The following EBF3 variants were observed in gnomAD, a reference collection of about 807,000 sequenced individuals.
The protein encoded by EBF3 is EBF transcription factor 3.
EBF3 carries 18 observed loss-of-function variants against 77.1 expected under a neutral mutation model. The observed-to-expected ratio is 0.23, with a 90% CI of 0.16 to 0.35. EBF3 has a LOEUF of 0.35. Among genes scored for constraint, EBF3 ranks in the 10% least tolerant of loss-of-function variants. The probability of loss-of-function intolerance (pLI) is 1.00; values close to 1 mark genes in which losing one functional copy is unlikely to be tolerated. For synonymous variants in EBF3, 350 were observed against 343.5 expected (o/e 1.02, Z -0.21); for missense variants, 558 against 860.0 (o/e 0.65, Z 4.39).
chr10:129,915,000 CCT>C (rs1855779825), intron 6 of EBF3, among the ~76,000 whole-genome samples: 1 of 152,152 alleles, frequency 6.6e-6, no homozygotes, highest in East Asian at 1.9e-4. Flanking sequence ...GGACAGAGCC[CCT>C]GAGCCAAGAC....
rs35249799 is a variant in EBF3 at position 129,842,762 on chromosome 10, TAA to T, written c.1194+373_1194+374del. Among the ~76,000 whole-genome samples the T allele has an allele frequency of 8.9e-5, 10 of 112,738 alleles. No individual in the cohort carries two copies. Among genetic ancestry groups the T allele is most frequent in the South Asian group, 3.2e-4 (1 of 3,128 alleles). The allele number at this position is 112,738 out of a possible 152,430, so 74.0% of individuals were successfully genotyped here. A position where few individuals can be genotyped will look rare whatever the true frequency, so the allele number is the denominator to read the frequency against. On this transcript the variant is annotated intron_variant, in intron 12 of 16. Transcript: ENST00000440978. This position sits in a 1 kb window ranked among gnomAD's most constrained non-coding sequence, Gnocchi z 4.4. ...CTGGGTGACAGAGCAAGACCCTGTC[TAA>T]AAAAAAAAAAAAAAAAAGGGAGCAA...
intron 4 of EBF3, among the ~76,000 whole-genome samples, chr10:129,960,116 A>G (rs1859384618): frequency 6.6e-6 from 1 of 151,826 alleles, no homozygotes; most frequent in Non-Finnish European, 1.5e-5. Flanking sequence ...CAGAAAAGAA[A>G]AAAAAAAAAA....
chr10:129,877,376 G>T (rs963548114), intron 7 of EBF3, among the ~76,000 whole-genome samples: 1 of 151,468 alleles, frequency 6.6e-6, no homozygotes, highest in African/African-American at 2.4e-5. Context: ...AGCTACTCAG[G>T]AGGCTGAGGC....
chr10:129,920,324 G>A (rs576261275), intron 6 of EBF3, among the ~76,000 whole-genome samples: 2 of 150,980 alleles, frequency 1.3e-5, no homozygotes, highest in African/African-American at 2.4e-5. Context: ...TCTAGGGCCA[G>A]TATCTCCAGG....
In EBF3 at chr10:129,964,090, G is replaced by C; in HGVS notation, c.-322C>G. 1.0e-6 allele frequency: 1 copy of C among 985,136 alleles called. No individual in the cohort carries two copies. The highest frequency in any genetic ancestry group is 1.2e-6 in the Non-Finnish European group (1 of 829,844). The allele number at this position is 985,136 out of a possible 1,614,324, so 61.0% of individuals were successfully genotyped here. A position where few individuals can be genotyped will look rare whatever the true frequency, so the allele number is the denominator to read the frequency against. On this transcript the variant is annotated 5_prime_UTR_variant, in exon 1 of 17. Transcript: ENST00000440978. This position sits in a 1 kb window ranked among gnomAD's most constrained non-coding sequence, Gnocchi z 4.5. ...CGTGGTGTCATCCTAGCCAGGCGGC[G>C]TCCGCGGCTGCAGGACACTGCGGGA... is the stretch of plus-strand genomic sequence containing the variant.
chr10:129,876,468 C>T (rs1308590413), intron 7 of EBF3, among the ~76,000 whole-genome samples: 1 of 152,264 alleles, frequency 6.6e-6, no homozygotes, highest in Non-Finnish European at 1.5e-5. Context: ...CAACTGTTCG[C>T]AGGAAACACT....
chr10:129,887,367 G>A (rs1011643739), intron 6 of EBF3, among the ~76,000 whole-genome samples: 2 of 152,152 alleles, frequency 1.3e-5, no homozygotes, highest in African/African-American at 2.4e-5. Context: ...TCTTGTTACC[G>A]AGCATAAAAA....
rs958309658 is a variant in EBF3, at chr10:129,917,333, C to T, written c.555-39484G>A. On this transcript the variant is annotated intron_variant, in intron 6 of 16. Transcript: ENST00000440978. ...GCAGTGAGCCAAATTCACACCACTGCACTCCAGCCTGAGCGACAGGGCGAG... is the reference window on the plus strand; with the variant it reads ...GCAGTGAGCCAAATTCACACCACTGTACTCCAGCCTGAGCGACAGGGCGAG... 3.9e-5 allele frequency among the ~76,000 whole-genome samples: 6 copies of T among 152,278 alleles called. No individual in the cohort carries two copies. In the Middle Eastern group the frequency reaches 0.01, roughly 259 times the overall value.
intron 6 of EBF3, among the ~76,000 whole-genome samples, chr10:129,888,422 A>G (rs895942984): frequency 4.6e-5 from 7 of 152,266 alleles, no homozygotes; most frequent in Non-Finnish European, 1.0e-4. Flanking sequence ...ATTTCCTTCC[A>G]AAATGCTCCT....
Position 129,939,469 on chromosome 10 carries a change from T to G in EBF3, c.554+17789A>C, listed in dbSNP as rs75708578. Among the ~76,000 whole-genome samples the G allele has an allele frequency of 2.6e-5, 4 of 152,382 alleles. No individual in the cohort carries two copies. In the South Asian group the frequency reaches 8.3e-4, roughly 32 times the overall value. On this transcript the variant is annotated intron_variant, in intron 6 of 16. Coordinates refer to ENST00000440978, the MANE Select transcript of EBF3 (RefSeq NM_001375380.1). Reference sequence around the variant, plus strand: ...AACACGTGACCGTTCCTCTGGGCAATGTTCTGACTATGCAGATCTCATTTA... The same window carrying G: ...AACACGTGACCGTTCCTCTGGGCAAGGTTCTGACTATGCAGATCTCATTTA...
chr10:129,927,957 T>C (rs982726435), intron 6 of EBF3, among the ~76,000 whole-genome samples: 5 of 152,164 alleles, frequency 3.3e-5, no homozygotes, highest in African/African-American at 7.2e-5. Context: ...GGTGGAGAGC[T>C]TGAGATTCCC....
chr10:129,918,438 A>T (rs1856039199), intron 6 of EBF3, among the ~76,000 whole-genome samples: 1 of 152,228 alleles, frequency 6.6e-6, no homozygotes, highest in Non-Finnish European at 1.5e-5. Context: ...TTAGATCTGG[A>T]GGAAGATCAG....
At chr10:129,853,312 C>A (rs910520125) in intron 10 of EBF3, among the ~76,000 whole-genome samples, 1 of 152,216 alleles carries the variant, frequency 6.6e-6, no homozygotes, top group African/African-American at 2.4e-5. Context: ...CGCAAATTTT[C>A]TTCCTGCCTG....
In EBF3 at chr10:129,919,485, G is replaced by C. The variant is rs1314359744; in HGVS notation, c.554+37773C>G. On this transcript the variant is annotated intron_variant, in intron 6 of 16. Coordinates refer to ENST00000440978, the MANE Select transcript of EBF3 (RefSeq NM_001375380.1). ...GCCTGGGGTACATTCTAGTAGCACA[G>C]GCCACCTGTGCTGAAAGGGGCCAAC... 6.6e-5 allele frequency among the ~76,000 whole-genome samples: 10 copies of C among 152,224 alleles called. No homozygotes were observed. In the East Asian group the frequency reaches 1.9e-3, roughly 30 times the overall value.
chr10:129,845,361 A>G (rs1389564975), intron 11 of EBF3: 2 of 152,264 alleles, frequency 1.3e-5, no homozygotes, highest in African/African-American at 2.4e-5. Context: ...TCAATAGGAC[A>G]TAACAGACTT....
intron 6 of EBF3, among the ~76,000 whole-genome samples, chr10:129,926,336 G>A (rs966551355): frequency 2.6e-5 from 4 of 152,224 alleles, no homozygotes; most frequent in African/African-American, 9.6e-5. Context: ...TGGAGGGACT[G>A]TGCAAGGCCT....
In EBF3 at chr10:129,963,779, G is replaced by T. The variant is rs781640058; in HGVS notation, c.-11C>A. On this transcript the variant is annotated 5_prime_UTR_variant, in exon 1 of 17. Transcript: ENST00000440978. The surrounding 1 kb of genome is among the most constrained non-coding windows in gnomAD (Gnocchi z 7.1). Reference sequence around the variant, plus strand: ...CTGAATCCCAAACATGAAAACTGCTGGCGGCGGCCGCAGCTCCCGGCCGAA... The same window carrying T: ...CTGAATCCCAAACATGAAAACTGCTTGCGGCGGCCGCAGCTCCCGGCCGAA... 14 of 1,501,672 alleles carry T rather than the reference G, an allele frequency of 9.3e-6. No individual in the cohort carries two copies. Among genetic ancestry groups the T allele is most frequent in the Non-Finnish European group, 1.3e-5 (14 of 1,115,474 alleles). 93.0% of individuals were successfully genotyped at this position (1,501,672 alleles called of 1,614,324 possible).
Position 129,943,154 on chromosome 10 carries a change from C to T in EBF3, c.554+14104G>A, listed in dbSNP as rs1857903578. On this transcript the variant is annotated intron_variant, in intron 6 of 16. Coordinates refer to ENST00000440978, the MANE Select transcript of EBF3 (RefSeq NM_001375380.1). The surrounding 1 kb of genome is among the most constrained non-coding windows in gnomAD (Gnocchi z 8.8). ...ACAACTTCCTCCACATAAACAAGGC[C>T]CGCCAGAGCCAGAGAGCTGCCAGGC... 6.6e-6 allele frequency among the ~76,000 whole-genome samples: 1 copy of T among 152,170 alleles called. No homozygotes were observed. Among genetic ancestry groups the T allele is most frequent in the Non-Finnish European group, 1.5e-5 (1 of 68,026 alleles).
chr10:129,913,467 T>C (rs1855661249), intron 6 of EBF3, among the ~76,000 whole-genome samples: 1 of 152,212 alleles, frequency 6.6e-6, no homozygotes, highest in Non-Finnish European at 1.5e-5. Flanking sequence ...ACATGGATAG[T>C]TTATTGCTGA....
Sources: allele counts gnomAD v4.1 joint callset (sites outside exome capture counted in the v4.1 genomes callset), GRCh38; gene constraint gnomAD v4.1.1; non-coding constraint Gnocchi (gnomAD v3.1); transcripts MANE v1.5; gene names NCBI Gene and HGNC (gene_info 2026-07-23, HGNC 2026-07-21).